F8: variants seen among roughly 807,000 people sequenced by gnomAD.
F8 encodes coagulation factor VIII.
F8 carries 12 observed loss-of-function variants against 140.6 expected under a neutral mutation model. That is an observed-to-expected ratio of 0.09 (90% CI 0.05 to 0.14). F8 has a LOEUF of 0.14. F8 is among the 10% of genes least tolerant of loss of function. The pLI, the probability that F8 is intolerant of heterozygous loss-of-function variation, is 1.00. For missense variants in F8, 1,354 were observed against 1,720.7 expected, an observed-to-expected ratio of 0.79 and a Z score of 3.77; for synonymous variants, 585 against 614.6, an observed-to-expected ratio of 0.95 and a Z score of 0.71.
intron 22 of F8, among the ~76,000 whole-genome samples, chrX:154,894,668 G>A (rs1203153389): frequency 9.1e-6 from 1 of 109,847 alleles, no homozygotes; most frequent in Non-Finnish European, 1.9e-5. Flanking sequence ...GCAGTGAGCC[G>A]AGATCACACC....
At chrX:154,867,690 C>CAAAAAAAAAAAAA (rs373471645) in intron 22 of F8, among the ~76,000 whole-genome samples, 4 of 41,818 alleles carry the variant, frequency 9.6e-5, no homozygotes, top group Non-Finnish European at 1.3e-4. Flanking sequence ...GACTCTGTCT[C>CAAAAAAAAAAAAA]AAAAAAAAAA....
chrX:154,982,464 AATATAT>A (rs782606425), intron 6 of F8, among the ~76,000 whole-genome samples: 10 of 83,391 alleles, frequency 1.2e-4, no homozygotes, highest in African/African-American at 5.4e-4. Context: ...AAAAAAAAAA[AATATAT>A]ATATATATGT....
At chrX:154,851,549 G>C (rs7879130) in intron 25 of F8, among the ~76,000 whole-genome samples, 7,546 of 109,541 alleles carry the variant, frequency 0.069, 622 homozygotes, top group African/African-American at 0.24. Flanking sequence ...GCTAACACTT[G>C]TTATTTTCCC....
chrX:155,003,922 C>T (rs1449261701), intron 1 of F8, among the ~76,000 whole-genome samples: 2 of 96,192 alleles, frequency 2.1e-5, no homozygotes, highest in African/African-American at 3.9e-5. Context: ...GTTCGCGCCA[C>T]TGCACTCCAG....
At chrX:154,944,224 G>A (rs1210005099) in intron 13 of F8, among the ~76,000 whole-genome samples, 1 of 109,453 alleles carries the variant, frequency 9.1e-6, no homozygotes, top group Non-Finnish European at 1.9e-5. Context: ...CCATCAGAGT[G>A]AACAGGCAAC....
At chrX:155,013,306 T>C (rs2073718373) in intron 1 of F8, among the ~76,000 whole-genome samples, 1 of 110,855 alleles carries the variant, frequency 9.0e-6, no homozygotes, top group Non-Finnish European at 1.9e-5. Flanking sequence ...GGTTTTCCCA[T>C]GCTGTTCACA....
intron 23 of F8, among the ~76,000 whole-genome samples, chrX:154,862,718 A>C (rs2072702401): frequency 8.9e-6 from 1 of 112,142 alleles, no homozygotes; most frequent in Non-Finnish European, 1.9e-5. Context: ...ACATGATCTC[A>C]TTCTTTTTTA....
intron 2 of F8, among the ~76,000 whole-genome samples, chrX:154,997,400 T>A (rs1459260454): frequency 3.6e-5 from 4 of 112,057 alleles, no homozygotes; most frequent in Non-Finnish European, 7.5e-5. Flanking sequence ...CTCAAGACAT[T>A]AAGCACATAA....
chrX:154,914,217 A>G (rs2124017042), intron 14 of F8, among the ~76,000 whole-genome samples: 1 of 112,835 alleles, frequency 8.9e-6, no homozygotes, highest in South Asian at 3.7e-4. Context: ...CCCAGGCTGA[A>G]CACTGCAGGG....
At chrX:154,895,304 T>G (rs2072973273) in intron 22 of F8, among the ~76,000 whole-genome samples, 1 of 111,853 alleles carries the variant, frequency 8.9e-6, no homozygotes, top group African/African-American at 3.3e-5. Context: ...CAAACAAAAG[T>G]TATCTTGCTT....
intron 7 of F8, 97 bp from the exon 8 acceptor site, chrX:154,966,784 T>G: frequency 9.6e-7 from 1 of 1,038,956 alleles, no homozygotes; most frequent in Non-Finnish European, 1.3e-6. Flanking sequence ...GAGATTGAAT[T>G]GGCTCATGTT....
chrX:154,965,485 G>A (rs928099560), intron 9 of F8, among the ~76,000 whole-genome samples: 2 of 111,400 alleles, frequency 1.8e-5, no homozygotes, highest in Non-Finnish European at 3.8e-5. Flanking sequence ...TTTTGGAAAA[G>A]GCTGGATAGT....
chrX:154,864,216 C>T (rs1041156107), intron 22 of F8, among the ~76,000 whole-genome samples: 8 of 112,604 alleles, frequency 7.1e-5, no homozygotes, highest in Non-Finnish European at 5.6e-5. Flanking sequence ...CAAGTGGGGA[C>T]CCTGAAGCAG....
In F8 at chrX:154,931,623, C is replaced by T. The variant is rs137852436; in HGVS notation, c.2167G>A (p.Ala723Thr). The stretch of plus-strand genomic sequence containing the variant: ...TCACAACTAGAAACCTTCAGTAAGG[C>T]GGTCATGCCTCTGTTCCGAAAGTCT... ...NSDFRNRGMT[A>T]LLKVSSCDKN... Residue 723 changes from alanine to threonine, a missense_variant, in exon 14 of 26, where the codon GCC (alanine) becomes ACC (threonine). By Grantham distance (58) the Ala-to-Thr change is moderately conservative. This residue lies in a region of F8 where 252 missense variants were observed against 338.5 expected (regional missense o/e 0.74). Transcript: ENST00000360256. The T allele has an allele frequency of 2.5e-6, 3 of 1,211,543 alleles. No individual in the cohort carries two copies. Among genetic ancestry groups the T allele is most frequent in the Admixed American group, 2.2e-5 (1 of 45,999 alleles).
At position 154,987,278 on chromosome X, in the gene F8, G is replaced by A. The variant is rs1557284308; in HGVS notation, c.629C>T (p.Thr210Ile). The change falls in exon 5 of 26, where the codon ACC (threonine) becomes ATC (isoleucine). Residue 210 changes from threonine (T) to isoleucine (I), a missense_variant. Physicochemically the swap from Thr to Ile is moderately conservative, Grantham distance 89 (BLOSUM62 -1). Transcript: ENST00000360256. ...EGSLAKEKTQ[T>I]LHKFILLFAV... ...AAAAAGTAGTATAAATTTGTGCAAG[G>A]TCTGTGTCTTTTCCTTGGCCAGACT... 1 of 1,210,244 alleles carries A rather than the reference G, an allele frequency of 8.3e-7. No individual in the cohort carries two copies.
chrX:154,902,414 A>G (rs1176851839), intron 18 of F8, among the ~76,000 whole-genome samples: 1 of 111,501 alleles, frequency 9.0e-6, no homozygotes, highest in Non-Finnish European at 1.9e-5. Context: ...GATGGTTGGG[A>G]CAGGAGAATG....
At chrX:154,948,203 GA>G (rs1261456811) in intron 12 of F8, among the ~76,000 whole-genome samples, 3 of 110,822 alleles carry the variant, frequency 2.7e-5, no homozygotes, top group African/African-American at 9.9e-5. Flanking sequence ...GGAGAAACCA[GA>G]AAAAAACCTT....
rs2072880550 is a variant in F8, at chrX:154,885,497, C to CA, written c.6429+10579dup. 20 of 371,107 alleles carry CA rather than the reference C, an allele frequency of 5.4e-5. 2 individuals are homozygous for CA. In the South Asian group the frequency reaches 7.8e-4, roughly 14 times the overall value. 30.6% of individuals were successfully genotyped at this position (371,107 alleles called of 1,213,427 possible). ...CCCCCGGCCTTAAACACCCTCCCCCCACAACCCAGGCCCCAAAGTCTTGGG... is the reference window on the plus strand; with the variant it reads ...CCCCCGGCCTTAAACACCCTCCCCCCAACAACCCAGGCCCCAAAGTCTTGGG... On this transcript the variant is annotated intron_variant, in intron 22 of 25. Transcript: ENST00000360256.
intron 20 of F8, among the ~76,000 whole-genome samples, chrX:154,900,707 C>T (rs2073005305): frequency 9.0e-6 from 1 of 111,647 alleles, no homozygotes; most frequent in Non-Finnish European, 1.9e-5. Flanking sequence ...TTTTACCTCA[C>T]AACAACATAG....
Sources: gnomAD v4.1 joint callset for allele counts (sites outside exome capture counted in the v4.1 genomes callset) on GRCh38, gnomAD v4.1.1 for gene constraint, gnomAD v4.1.1 regional missense constraint, MANE v1.5 for transcripts, NCBI Gene and HGNC (gene_info 2026-07-23, HGNC 2026-07-21) for gene names.